RBPJ: variants seen among roughly 807,000 people sequenced by gnomAD.
RBPJ encodes recombining binding protein suppressor of hairless.
Under a neutral mutation model 67.8 loss-of-function variants are expected in RBPJ, and 9 were observed. That is an observed-to-expected ratio of 0.13 (90% confidence interval 0.08 to 0.23). The LOEUF is 0.23. Among genes scored for constraint, RBPJ ranks in the 10% least tolerant of loss-of-function variants. The probability of loss-of-function intolerance (pLI) is 1.00; values close to 1 mark genes in which losing one functional copy is unlikely to be tolerated. For synonymous variants in RBPJ, 198 were observed against 203.3 expected (o/e 0.97, Z 0.22); for missense variants, 305 against 595.6 (o/e 0.51, Z 5.08).
chr4:26,272,576 A>G (rs928138936), intron 1 of RBPJ: 9 of 405,458 alleles, frequency 2.2e-5, no homozygotes, highest in Admixed American at 1.2e-4. Flanking sequence ...GTCTATCTCT[A>G]CAATAAATAA....
chr4:26,366,385 T>A (rs911814665), intron 1 of RBPJ, among the ~76,000 whole-genome samples: 1 of 152,152 alleles, frequency 6.6e-6, no homozygotes, highest in African/African-American at 2.4e-5. Flanking sequence ...TTGTGATGTG[T>A]ATGTGTTTGT....
intron 1 of RBPJ, among the ~76,000 whole-genome samples, chr4:26,250,328 C>A (rs1284053739): frequency 8.3e-6 from 1 of 120,682 alleles, no homozygotes; most frequent in Non-Finnish European, 1.7e-5. Context: ...GACTCCATTC[C>A]TTTTTTTTTT....
rs111511875 is a variant in RBPJ at position 26,259,432 on chromosome 4, C to G, written c.-167+95818C>G. ...ATGACCTTTGCTCTTGATTAGTCTGCTTTTACTTTGACTGGACCACTTCCA... is the reference window on the plus strand; with the variant it reads ...ATGACCTTTGCTCTTGATTAGTCTGGTTTTACTTTGACTGGACCACTTCCA... On this transcript the variant is annotated intron_variant, in intron 1 of 4. Transcript: ENST00000512351. 2.7e-3 allele frequency among the ~76,000 whole-genome samples: 413 copies of G among 152,306 alleles called. 3 individuals are homozygous for G. The highest frequency in any genetic ancestry group is 9.6e-3 in the African/African-American group (398 of 41,562).
At chr4:26,278,198 C>G (rs368786428) in intron 1 of RBPJ, among the ~76,000 whole-genome samples, 4 of 152,178 alleles carry the variant, frequency 2.6e-5, no homozygotes, top group Non-Finnish European at 5.9e-5. Context: ...TTCAATTTTT[C>G]ATCTAAAGAT....
intron 1 of RBPJ, among the ~76,000 whole-genome samples, chr4:26,200,365 A>G (rs774172922): frequency 6.6e-6 from 1 of 152,186 alleles, no homozygotes; most frequent in Non-Finnish European, 1.5e-5. Context: ...GGCAGAGCCC[A>G]GATTTAAACC....
At chr4:26,259,903 C>G (rs1228485240) in intron 1 of RBPJ, among the ~76,000 whole-genome samples, 3 of 152,320 alleles carry the variant, frequency 2.0e-5, no homozygotes, top group Non-Finnish European at 4.4e-5. Flanking sequence ...ATTATCCCCA[C>G]AAACTTTTCA....
At chr4:26,297,726 G>A (rs2109296153) in intron 1 of RBPJ, among the ~76,000 whole-genome samples, 1 of 151,694 alleles carries the variant, frequency 6.6e-6, no homozygotes, top group South Asian at 2.1e-4. Flanking sequence ...AAAGAAAAAA[G>A]AAAATTTTTA....
chr4:26,312,364 C>G (rs1722459521), intron 1 of RBPJ, among the ~76,000 whole-genome samples: 1 of 152,272 alleles, frequency 6.6e-6, no homozygotes, highest in African/African-American at 2.4e-5. Flanking sequence ...ATCTCCTGAC[C>G]TCGTGATCCG....
chr4:26,198,163 A>G (rs1237944861), intron 1 of RBPJ, among the ~76,000 whole-genome samples: 1 of 152,180 alleles, frequency 6.6e-6, no homozygotes, highest in African/African-American at 2.4e-5. Flanking sequence ...CTGAGGCCGG[A>G]GAATTGCTTG....
chr4:26,243,752 G>T (rs1719726482), intron 1 of RBPJ, among the ~76,000 whole-genome samples: 1 of 152,078 alleles, frequency 6.6e-6, no homozygotes, highest in Admixed American at 6.6e-5. Context: ...TCAGATTTTA[G>T]TGTAATATCA....
In RBPJ at chr4:26,415,609, A is replaced by G. The variant is rs1734505791; in HGVS notation, c.290A>G (p.Gln97Arg). Residue 97 changes from glutamine (Q) to arginine (R), a missense_variant, in exon 4 of 11, where the codon CAA becomes CGA. Physicochemically the swap from Gln to Arg is conservative, Grantham distance 43. Transcript: ENST00000355476. ...TTTATTGGGATAGGAAATAGTGACC[A>G]AGAAATGCAGCAGCTAAACTTGGAA... ...CAFIGIGNSD[Q>R]EMQQLNLEGK... 1 of 1,610,280 alleles carries G rather than the reference A, an allele frequency of 6.2e-7. No individual in the cohort carries two copies. Among genetic ancestry groups the G allele is most frequent in the African/African-American group, 1.3e-5 (1 of 74,728 alleles).
intron 1 of RBPJ, among the ~76,000 whole-genome samples, chr4:26,240,678 C>T (rs1455163991): frequency 6.6e-6 from 1 of 152,120 alleles, no homozygotes; most frequent in African/African-American, 2.4e-5. Flanking sequence ...CTGTTGAACC[C>T]ATACTGCATT....
chr4:26,380,218 A>G (rs1730175611), intron 1 of RBPJ, among the ~76,000 whole-genome samples: 1 of 152,212 alleles, frequency 6.6e-6, no homozygotes, highest in African/African-American at 2.4e-5. Flanking sequence ...ATCATATTCA[A>G]TAGGTACAAT....
At chr4:26,299,126 G>A (rs1721984547) in intron 1 of RBPJ, among the ~76,000 whole-genome samples, 1 of 152,156 alleles carries the variant, frequency 6.6e-6, no homozygotes, top group African/African-American at 2.4e-5. Context: ...TAAAGGAGTT[G>A]GGGTCAGGGC....
intron 1 of RBPJ, chr4:26,163,652 GC>G (rs1716146481): frequency 6.6e-6 from 1 of 152,142 alleles, no homozygotes; most frequent in African/African-American, 2.4e-5. Context: ...ATGTTATGTT[GC>G]CCATAAAAAT....
At chr4:26,291,172 G>C (rs2309359) in intron 1 of RBPJ, among the ~76,000 whole-genome samples, 67,451 of 150,452 alleles carry the variant, frequency 0.45, 19,229 homozygotes, top group Non-Finnish European at 0.59. Flanking sequence ...TCCAGAGAAA[G>C]AGGCGAGTAG....
At chr4:26,117,939 G>A in the RBPJ span, among the ~76,000 whole-genome samples, 1 of 151,642 alleles carries the variant, frequency 6.6e-6, no homozygotes, top group Non-Finnish European at 1.5e-5. Flanking sequence ...ATATATATTT[G>A]TGCATGGATA....
chr4:26,272,666 A>G (rs766660947), intron 1 of RBPJ: 4 of 451,280 alleles, frequency 8.9e-6, no homozygotes, highest in South Asian at 6.3e-5. Context: ...TTTTTTCCAA[A>G]GTGATTCATT....
intron 1 of RBPJ, among the ~76,000 whole-genome samples, chr4:26,229,342 T>G (rs1259164955): frequency 6.6e-6 from 1 of 152,178 alleles, no homozygotes; most frequent in Non-Finnish European, 1.5e-5. Flanking sequence ...GTGTATGATC[T>G]ATGGGGCTGA....
Sources: gnomAD v4.1 joint callset for allele counts (sites outside exome capture counted in the v4.1 genomes callset) on GRCh38, gnomAD v4.1.1 for gene constraint, MANE v1.5 for transcripts, NCBI Gene and HGNC (gene_info 2026-07-23, HGNC 2026-07-21) for gene names.